The following STARD3NL variants were observed in gnomAD, a reference collection of about 807,000 sequenced individuals.
STARD3NL encodes the protein STARD3 N-terminal like.
A neutral mutation model predicts 30.9 loss-of-function variants in STARD3NL; 17 were observed. That is an observed-to-expected ratio of 0.55 (90% confidence interval 0.38 to 0.82). The LOEUF (loss-of-function observed/expected upper bound fraction) is 0.82. STARD3NL is among the 40% of genes least tolerant of loss of function. STARD3NL has a pLI of 0.00. For synonymous variants in STARD3NL, 112 were observed against 100.5 expected (o/e 1.11, Z -0.69); for missense variants, 234 against 277.6 (o/e 0.84, Z 1.12).
At position 38,206,778 on chromosome 7, in the gene STARD3NL, G is replaced by A. The variant is rs531528521; in HGVS notation, c.-58-669G>A. Among the ~76,000 whole-genome samples the A allele has an allele frequency of 2.6e-5, 4 of 152,138 alleles. No individual in the cohort carries two copies. The East Asian group carries it at 7.7e-4, about 29-fold the overall frequency. ...AAGTAAGGATATTTGTGTGATTTTT[G>A]TTTTTCGTTTGAGGCAGTGTCTTGC... On this transcript the variant is annotated intron_variant, in intron 1 of 8. Coordinates refer to ENST00000009041, the MANE Select transcript of STARD3NL (RefSeq NM_032016.4).
At chr7:38,187,494 A>T (rs1784510425) in intron 1 of STARD3NL, among the ~76,000 whole-genome samples, 1 of 152,054 alleles carries the variant, frequency 6.6e-6, no homozygotes, top group Admixed American at 6.6e-5. Context: ...ATTACCTTTG[A>T]ATCCTTTTAA....
intron 1 of STARD3NL, chr7:38,201,699 T>G (rs1203492588): frequency 6.6e-6 from 1 of 151,676 alleles, no homozygotes; most frequent in Admixed American, 6.6e-5. Flanking sequence ...TTTTGTTTGT[T>G]TTGTTTTGAG....
chr7:38,195,803 G>C (rs1784875666), intron 1 of STARD3NL, among the ~76,000 whole-genome samples: 1 of 152,226 alleles, frequency 6.6e-6, no homozygotes, highest in Non-Finnish European at 1.5e-5. Context: ...GACTGTGTCT[G>C]AATGATATCT....
intron 1 of STARD3NL, among the ~76,000 whole-genome samples, chr7:38,180,592 G>A (rs1784207727): frequency 6.6e-6 from 1 of 152,112 alleles, no homozygotes; most frequent in South Asian, 2.1e-4. Flanking sequence ...AAAATATTAA[G>A]CCTTTTTGAT....
At chr7:38,183,709 T>A (rs1784337557) in intron 1 of STARD3NL, among the ~76,000 whole-genome samples, 1 of 152,242 alleles carries the variant, frequency 6.6e-6, no homozygotes, top group African/African-American at 2.4e-5. Context: ...TATTCTTAGC[T>A]TATTTAATAT....
At chr7:38,183,718 A>G (rs1784337666) in intron 1 of STARD3NL, among the ~76,000 whole-genome samples, 1 of 152,226 alleles carries the variant, frequency 6.6e-6, no homozygotes, top group Non-Finnish European at 1.5e-5. Flanking sequence ...CTTATTTAAT[A>G]TACTGCTGAC....
rs778290454 is a variant in STARD3NL, at chr7:38,207,738, G to A, written c.225+9G>A. 1.2e-6 allele frequency: 2 copies of A among 1,611,504 alleles called. No individual in the cohort carries two copies. The highest frequency in any genetic ancestry group is 2.2e-5 in the South Asian group (2 of 90,858). On this transcript the variant is annotated intron_variant, in intron 2 of 8. Transcript: ENST00000009041. ...GGATAATAGAGTTAAATGTAAGTTG[G>A]TGGTTCTTTCATAACTTTTTAAGAA...
At chr7:38,185,751 G>T (rs555097711) in intron 1 of STARD3NL, among the ~76,000 whole-genome samples, 27 of 152,318 alleles carry the variant, frequency 1.8e-4, no homozygotes, top group African/African-American at 5.8e-4. Flanking sequence ...TGGGAATTCA[G>T]CTTCTGTTTT....
At chr7:38,207,079 ATACT>A (rs1307203222) in intron 1 of STARD3NL, among the ~76,000 whole-genome samples, 4 of 152,206 alleles carry the variant, frequency 2.6e-5, no homozygotes, top group African/African-American at 9.7e-5. Context: ...ATGCACAGTT[ATACT>A]TACAGGACTG....
Position 38,211,717 on chromosome 7 carries a change from C to T in STARD3NL, c.226-2640C>T, listed in dbSNP as rs577923932. Among the ~76,000 whole-genome samples the T allele has an allele frequency of 4.6e-5, 7 of 152,268 alleles. No individual in the cohort carries two copies. In the South Asian group the frequency reaches 1.5e-3, roughly 32 times the overall value. On this transcript the variant is annotated intron_variant, in intron 2 of 8. Transcript: ENST00000009041. ...CAGTCTACATCACAGCCTCCTTGAC[C>T]TGTCCAGTTGGATGTCTGACTTAAC...
intron 1 of STARD3NL, among the ~76,000 whole-genome samples, chr7:38,184,460 G>GA (rs1394872200): frequency 3.3e-5 from 5 of 151,190 alleles, no homozygotes; most frequent in African/African-American, 7.3e-5. Flanking sequence ...AGTCATGGCA[G>GA]AAAAAAAAGC....
intron 1 of STARD3NL, among the ~76,000 whole-genome samples, chr7:38,197,980 C>T (rs1344357893): frequency 6.6e-6 from 1 of 152,206 alleles, no homozygotes; most frequent in Admixed American, 6.5e-5. Context: ...AGACAGCCAG[C>T]TCAGGCTGCT....
At chr7:38,197,142 TTC>T (rs748022820) in intron 1 of STARD3NL, among the ~76,000 whole-genome samples, 1 of 132,774 alleles carries the variant, frequency 7.5e-6, no homozygotes, top group Non-Finnish European at 1.6e-5. Flanking sequence ...CCTTTTTTCT[TTC>T]TTTCTTTCTT....
At chr7:38,181,867 C>T (rs557284289) in intron 1 of STARD3NL, among the ~76,000 whole-genome samples, 31 of 152,254 alleles carry the variant, frequency 2.0e-4, no homozygotes, top group Admixed American at 1.2e-3. Flanking sequence ...GGCTTTCCAG[C>T]TTCAGTGCCA....
chr7:38,227,027 T>A (rs1786810855), intron 7 of STARD3NL, among the ~76,000 whole-genome samples: 1 of 152,246 alleles, frequency 6.6e-6, no homozygotes, highest in Non-Finnish European at 1.5e-5. Flanking sequence ...ATTTCTCCAG[T>A]GGTGAGATGG....
intron 1 of STARD3NL, among the ~76,000 whole-genome samples, chr7:38,194,491 T>C (rs1400724587): frequency 6.6e-6 from 1 of 152,148 alleles, no homozygotes; most frequent in Non-Finnish European, 1.5e-5. Flanking sequence ...CTTTCTAACC[T>C]TATTATTTAA....
chr7:38,186,377 A>G (rs1483694397), intron 1 of STARD3NL, among the ~76,000 whole-genome samples: 1 of 152,224 alleles, frequency 6.6e-6, no homozygotes, highest in Non-Finnish European at 1.5e-5. Flanking sequence ...GGAAAAAGAT[A>G]GTCAACAACT....
intron 4 of STARD3NL, 168 bp from the exon 5 acceptor site, chr7:38,216,857 G>A (rs1446017335): frequency 1.7e-5 from 12 of 694,020 alleles, no homozygotes; most frequent in Non-Finnish European, 2.9e-5. Context: ...TTTTGCCCCA[G>A]TGTGGGTCTA....
At chr7:38,220,093 T>G (rs114473785) in intron 7 of STARD3NL, among the ~76,000 whole-genome samples, 1 of 152,168 alleles carries the variant, frequency 6.6e-6, no homozygotes, top group African/African-American at 2.4e-5. Context: ...CAAAGCTGTT[T>G]CCATCCTCTC....
Sources: allele counts gnomAD v4.1 joint callset (sites outside exome capture counted in the v4.1 genomes callset), GRCh38; gene constraint gnomAD v4.1.1; transcripts MANE v1.5; gene names NCBI Gene and HGNC (gene_info 2026-07-23, HGNC 2026-07-21).